ELAVL1: variants seen among roughly 807,000 people sequenced by gnomAD.
ELAVL1 encodes ELAV like RNA binding protein 1.
ELAVL1 carries 1 observed loss-of-function variant against 28.4 expected under a neutral mutation model. That is an observed-to-expected ratio of 0.04 (90% CI 0.01 to 0.17). ELAVL1 has a LOEUF of 0.17. Ranked by LOEUF, ELAVL1 falls within the 10% of genes least tolerant of loss-of-function variation. The pLI is 1.00. For synonymous variants in ELAVL1, 174 were observed against 183.5 expected (o/e 0.95, Z 0.42); for missense variants, 157 against 447.2 (o/e 0.35, Z 5.85).
Position 7,979,065 on chromosome 19 carries a change from C to G in ELAVL1, c.276+2018G>C, listed in dbSNP as rs1354460844. Among the ~76,000 whole-genome samples the G allele has an allele frequency of 6.6e-6, 1 of 152,234 alleles. No homozygotes were observed. The highest frequency in any genetic ancestry group is 1.5e-5 in the Non-Finnish European group (1 of 68,042). On this transcript the variant is annotated intron_variant, in intron 3 of 5. Transcript: ENST00000407627. This position sits in a 1 kb window ranked among gnomAD's most constrained non-coding sequence, Gnocchi z 5.4. ...AGTAAAGGTTTGCGGAATGAACACA[C>G]TTGGAGCACAGAGGACCCCAGGGCT...
chr19:7,978,778 G>A (rs1985373813), intron 3 of ELAVL1, among the ~76,000 whole-genome samples: 1 of 152,152 alleles, frequency 6.6e-6, no homozygotes, highest in Admixed American at 6.5e-5. Flanking sequence ...CATCTGAGGT[G>A]AGGGCGGTCT....
At chr19:7,998,543 C>T (rs535970528) in intron 1 of ELAVL1, among the ~76,000 whole-genome samples, 2 of 152,202 alleles carry the variant, frequency 1.3e-5, no homozygotes, top group African/African-American at 2.4e-5. Flanking sequence ...CCTCCCTTCC[C>T]GCTCACTCCA....
chr19:7,977,803 C>A (rs1233148786), intron 3 of ELAVL1, among the ~76,000 whole-genome samples: 2 of 152,268 alleles, frequency 1.3e-5, no homozygotes, highest in Admixed American at 6.5e-5. Flanking sequence ...GAGCACAAGG[C>A]TCCAGGAGGC....
At chr19:7,964,771 T>C (rs188828018) in intron 5 of ELAVL1, among the ~76,000 whole-genome samples, 69 of 152,308 alleles carry the variant, frequency 4.5e-4, no homozygotes, top group African/African-American at 1.6e-3. Context: ...TTAAGGTATA[T>C]GACAAAACAG....
rs993697534 is a variant in ELAVL1, at chr19:7,961,361, C to T, written c.*2122G>A. 15 of 151,238 alleles carry T rather than the reference C, an allele frequency of 9.9e-5. No homozygotes were observed. The highest frequency in any genetic ancestry group is 1.8e-4 in the Non-Finnish European group (12 of 67,620). 9.4% of individuals were successfully genotyped at this position (151,238 alleles called of 1,614,324 possible). The stretch of plus-strand genomic sequence containing the variant: ...CCATCAGAAGGGTGTTGGCTCCCAC[C>T]TTCCATCAGAAGGGTGTTGGCTCCC... On this transcript the variant is annotated 3_prime_UTR_variant, in exon 6 of 6. Transcript: ENST00000407627.
intron 1 of ELAVL1, among the ~76,000 whole-genome samples, chr19:7,998,027 C>T (rs556211625): frequency 6.6e-6 from 1 of 152,180 alleles, no homozygotes; most frequent in East Asian, 1.9e-4. Flanking sequence ...CGGCCCTGTT[C>T]CTCCTGACAC....
chr19:7,990,828 T>C (rs573884778), intron 2 of ELAVL1, among the ~76,000 whole-genome samples: 79 of 152,070 alleles, frequency 5.2e-4, no homozygotes, highest in African/African-American at 1.7e-3. Flanking sequence ...AGAGGGGCCA[T>C]TGGGAGAGGA....
chr19:7,991,928 C>CT, intron 1 of ELAVL1, 97 bp from the exon 2 acceptor site: 6 of 751,480 alleles, frequency 8.0e-6, no homozygotes, highest in South Asian at 2.7e-5. Flanking sequence ...GATTTTCTTT[C>CT]TTTCTTTTTT....
At position 7,961,101 on chromosome 19, in the gene ELAVL1, A is replaced by G. The variant is rs970613622; in HGVS notation, c.*2382T>C. ...TCAGGGAACTTTCAAAGGCTCATAT[A>G]CTTCACAGTTTCTTCTCACCTGTCC... On this transcript the variant is annotated 3_prime_UTR_variant, in exon 6 of 6. Transcript: ENST00000407627. 2 of 152,258 alleles carry G rather than the reference A, an allele frequency of 1.3e-5. No individual in the cohort carries two copies. Among genetic ancestry groups the G allele is most frequent in the Non-Finnish European group, 2.9e-5 (2 of 68,048 alleles). 9.4% of individuals were successfully genotyped at this position (152,258 alleles called of 1,614,324 possible).
At chr19:7,965,067 A>T (rs1984919673) in intron 5 of ELAVL1, among the ~76,000 whole-genome samples, 1 of 152,220 alleles carries the variant, frequency 6.6e-6, no homozygotes, top group Non-Finnish European at 1.5e-5. Flanking sequence ...ACCAGCTGCC[A>T]TGGGGCAGCT....
At chr19:7,970,704 G>C (rs927086083) in intron 4 of ELAVL1, among the ~76,000 whole-genome samples, 2 of 152,082 alleles carry the variant, frequency 1.3e-5, no homozygotes, top group African/African-American at 4.8e-5. Flanking sequence ...ATTAAGCTCT[G>C]TCAGCTCAGG....
Position 7,963,361 on chromosome 19 carries a change from C to T in ELAVL1, c.*122G>A, listed in dbSNP as rs964173225. 14 of 1,195,476 alleles carry T rather than the reference C, an allele frequency of 1.2e-5. No homozygotes were observed. The highest frequency in any genetic ancestry group is 2.4e-5 in the East Asian group (1 of 40,882). 74.1% of individuals were successfully genotyped at this position (1,195,476 alleles called of 1,614,324 possible). On this transcript the variant is annotated 3_prime_UTR_variant, in exon 6 of 6. Coordinates refer to ENST00000407627, the MANE Select transcript of ELAVL1 (RefSeq NM_001419.3). The surrounding 1 kb of genome is among the most constrained non-coding windows in gnomAD (Gnocchi z 4.5). ...CCAGAGTATAAAAACCTTCTCACTT[C>T]TCATTCAGACAAAGACAAACACTTG...
At position 7,958,653 on chromosome 19, in the gene ELAVL1, T is replaced by G. The variant is rs1984724598; in HGVS notation, c.*4830A>C. ...TAACATACAGCGTTTAACACGAACCTGATACCTGTAGAAAGAACTGAGTAT... is the reference window on the plus strand; with the variant it reads ...TAACATACAGCGTTTAACACGAACCGGATACCTGTAGAAAGAACTGAGTAT... On this transcript the variant is annotated 3_prime_UTR_variant, in exon 6 of 6. Coordinates refer to ENST00000407627, the MANE Select transcript of ELAVL1 (RefSeq NM_001419.3). The G allele has an allele frequency of 6.6e-6, 1 of 152,252 alleles. No individual in the cohort carries two copies. The highest frequency in any genetic ancestry group is 1.5e-5 in the Non-Finnish European group (1 of 68,038). The allele number at this position is 152,252 out of a possible 1,614,324, so 9.4% of individuals were successfully genotyped here.
intron 4 of ELAVL1, 35 bp from the exon 5 acceptor site, chr19:7,967,825 G>GA (rs752549971): frequency 1.9e-5 from 30 of 1,598,806 alleles, no homozygotes; most frequent in Non-Finnish European, 2.0e-5. Flanking sequence ...GAGTTAGGGG[G>GA]AAAAACGCTA....
chr19:7,977,422 A>T (rs898160236), intron 3 of ELAVL1, among the ~76,000 whole-genome samples: 1 of 152,136 alleles, frequency 6.6e-6, no homozygotes, highest in Non-Finnish European at 1.5e-5. Context: ...GGGGCTGTGG[A>T]GAGGGCACGT....
chr19:7,976,258 C>T (rs977486326), intron 3 of ELAVL1, among the ~76,000 whole-genome samples: 6 of 150,272 alleles, frequency 4.0e-5, no homozygotes, highest in African/African-American at 1.5e-4. Flanking sequence ...AAAAATTAGC[C>T]AGGCATGGTG....
At chr19:7,971,296 G>A (rs1985105108) in intron 4 of ELAVL1, among the ~76,000 whole-genome samples, 1 of 152,220 alleles carries the variant, frequency 6.6e-6, no homozygotes, top group Admixed American at 6.5e-5. Context: ...ATGTTCTCAG[G>A]CATTGGGGGC....
At position 7,963,747 on chromosome 19, in the gene ELAVL1, G is replaced by A. The variant is rs202134359; in HGVS notation, c.717C>T (p.Asn239=). 2.7e-5 allele frequency: 44 copies of A among 1,614,164 alleles called. No homozygotes were observed. The highest frequency in any genetic ancestry group is 2.9e-5 in the Non-Finnish European group (34 of 1,180,064). ...SGLSGVNVPG[N]ASSGWCIFIY... ...TGAAAATGCACCAGCCGGAGGAGGC[G>A]TTTCCTGGCACGTTGACGCCAGAGA... is the stretch of plus-strand genomic sequence containing the variant. Residue 239 remains asparagine, a synonymous_variant, in exon 6 of 6, where the codon AAC becomes AAT. Coordinates refer to ENST00000407627, the MANE Select transcript of ELAVL1 (RefSeq NM_001419.3). This position sits in a 1 kb window ranked among gnomAD's most constrained non-coding sequence, Gnocchi z 4.5.
intron 1 of ELAVL1, among the ~76,000 whole-genome samples, chr19:7,999,093 C>A (rs1022519658): frequency 6.6e-6 from 1 of 152,246 alleles, no homozygotes; most frequent in African/African-American, 2.4e-5. Context: ...ACCTTCCTGG[C>A]CTGGCGTGGT....
Sources: allele counts gnomAD v4.1 joint callset (sites outside exome capture counted in the v4.1 genomes callset), GRCh38; gene constraint gnomAD v4.1.1; non-coding constraint Gnocchi (gnomAD v3.1); transcripts MANE v1.5; gene names NCBI Gene and HGNC (gene_info 2026-07-23, HGNC 2026-07-21).